Variants in HIP1 observed in about 807,000 individuals in gnomAD.
The protein encoded by HIP1 is huntingtin-interacting protein 1.
A neutral mutation model predicts 147.6 loss-of-function variants in HIP1; 65 were observed. That is an observed-to-expected ratio of 0.44 (90% CI 0.36 to 0.54). The LOEUF (loss-of-function observed/expected upper bound fraction) is 0.54, where lower values mean the gene tolerates loss of function less well. Among genes scored for constraint, HIP1 ranks in the 20% least tolerant of loss-of-function variants. The pLI, the probability that HIP1 is intolerant of heterozygous loss-of-function variation, is 0.00. For synonymous variants in HIP1, 479 were observed against 504.0 expected, an observed-to-expected ratio of 0.95 and a Z score of 0.67; for missense variants, 1,061 against 1,299.6, an observed-to-expected ratio of 0.82 and a Z score of 2.82.
At chr7:75,718,705 C>T (rs1801396577) in intron 1 of HIP1, among the ~76,000 whole-genome samples, 1 of 152,168 alleles carries the variant, frequency 6.6e-6, no homozygotes. Flanking sequence ...TCTGAGCTGG[C>T]TTTGTGCCAT....
At chr7:75,549,353 G>A (rs1380234045) in intron 22 of HIP1, among the ~76,000 whole-genome samples, 1 of 148,006 alleles carries the variant, frequency 6.8e-6, no homozygotes, top group African/African-American at 2.5e-5. Flanking sequence ...TTTTTCTTTT[G>A]CTTTCTTTCT....
intron 9 of HIP1, among the ~76,000 whole-genome samples, chr7:75,565,261 CA>C (rs3839765): frequency 0.09 from 13,643 of 152,180 alleles, 623 homozygotes; most frequent in South Asian, 0.13. Flanking sequence ...TGTGGAACAG[CA>C]AAGTGGCTAC....
chr7:75,545,684 G>A (rs978585457), intron 25 of HIP1, among the ~76,000 whole-genome samples: 2 of 151,884 alleles, frequency 1.3e-5, no homozygotes, highest in African/African-American at 4.8e-5. Flanking sequence ...GGTGGTTCAC[G>A]CCTGTAATCC....
At chr7:75,693,549 T>A (rs1800526677) in intron 1 of HIP1, among the ~76,000 whole-genome samples, 1 of 152,052 alleles carries the variant, frequency 6.6e-6, no homozygotes, top group Non-Finnish European at 1.5e-5. Context: ...CACCCTTTAC[T>A]AGTTGTTTAG....
intron 1 of HIP1, among the ~76,000 whole-genome samples, chr7:75,708,754 A>T (rs1256405668): frequency 2.0e-5 from 3 of 152,080 alleles, no homozygotes; most frequent in Non-Finnish European, 4.4e-5. Flanking sequence ...TTTAATTACT[A>T]TAGTTTTATA....
chr7:75,567,070 C>A (rs1035410138), intron 9 of HIP1, among the ~76,000 whole-genome samples: 1 of 151,032 alleles, frequency 6.6e-6, no homozygotes, highest in South Asian at 2.1e-4. Flanking sequence ...CAAGATCACA[C>A]CACCGCACTC....
At chr7:75,560,411 G>C (rs782425934) in intron 13 of HIP1, among the ~76,000 whole-genome samples, 11 of 152,064 alleles carry the variant, frequency 7.2e-5, no homozygotes, top group Non-Finnish European at 1.6e-4. Flanking sequence ...ACCATGCCCA[G>C]CTAATTTTTA....
chr7:75,675,154 C>T (rs1163089695), intron 1 of HIP1, among the ~76,000 whole-genome samples: 1 of 152,004 alleles, frequency 6.6e-6, no homozygotes, highest in Non-Finnish European at 1.5e-5. Flanking sequence ...CTCAATTGGC[C>T]TATCTTTAAA....
At chr7:75,599,584 T>C (rs1351617345) in intron 1 of HIP1, among the ~76,000 whole-genome samples, 1 of 152,098 alleles carries the variant, frequency 6.6e-6, no homozygotes, top group Non-Finnish European at 1.5e-5. Flanking sequence ...GGAAACATTA[T>C]TTCTCCCGGA....
chr7:75,563,888 TTCTC>T (rs1359530992), intron 9 of HIP1, among the ~76,000 whole-genome samples: 5 of 151,734 alleles, frequency 3.3e-5, no homozygotes, highest in African/African-American at 9.7e-5. Context: ...AATATTTTTT[TTCTC>T]TCTCTCTCTC....
At chr7:75,591,176 G>C (rs888778593) in intron 4 of HIP1, among the ~76,000 whole-genome samples, 40 of 152,052 alleles carry the variant, frequency 2.6e-4, no homozygotes, top group African/African-American at 8.9e-4. Flanking sequence ...GGGATTACAG[G>C]CACACGCCAC....
At chr7:75,655,637 A>G (rs1168684701) in intron 1 of HIP1, among the ~76,000 whole-genome samples, 1 of 152,118 alleles carries the variant, frequency 6.6e-6, no homozygotes, top group African/African-American at 2.4e-5. Context: ...GAAATAAGCC[A>G]GACACAAAGG....
intron 1 of HIP1, among the ~76,000 whole-genome samples, chr7:75,620,399 A>AG (rs1554506838): frequency 6.7e-6 from 1 of 150,336 alleles, no homozygotes; most frequent in Admixed American, 6.7e-5. Flanking sequence ...AAAAAAAAAA[A>AG]AAAAAGGCCA....
At chr7:75,644,447 A>G (rs1428786179) in intron 1 of HIP1, among the ~76,000 whole-genome samples, 1 of 151,998 alleles carries the variant, frequency 6.6e-6, no homozygotes, top group Non-Finnish European at 1.5e-5. Context: ...GGTATGCACC[A>G]CCACGCTCGG....
intron 1 of HIP1, among the ~76,000 whole-genome samples, chr7:75,695,757 T>G (rs1022686823): frequency 6.6e-6 from 1 of 152,188 alleles, no homozygotes; most frequent in Middle Eastern, 3.4e-3. Flanking sequence ...GTATTTTTAG[T>G]AGAGACGGGG....
intron 1 of HIP1, among the ~76,000 whole-genome samples, chr7:75,628,394 CT>C (rs1295244654): frequency 6.6e-6 from 1 of 152,030 alleles, no homozygotes; most frequent in African/African-American, 2.4e-5. Flanking sequence ...TAGAACTTTC[CT>C]TAAATCTCTC....
chr7:75,553,362 C>A, intron 22 of HIP1, 91 bp downstream of exon 22: 2 of 1,453,252 alleles, frequency 1.4e-6, no homozygotes, highest in South Asian at 1.2e-5. Flanking sequence ...GCAGAAAGAA[C>A]TAGCTCAGAA....
At chr7:75,614,655 G>A (rs587742424) in intron 1 of HIP1, among the ~76,000 whole-genome samples, 195 of 152,156 alleles carry the variant, frequency 1.3e-3, no homozygotes, top group Non-Finnish European at 2.2e-3. Context: ...TCGGTTGCAC[G>A]ACATAGCGAA....
intron 4 of HIP1, among the ~76,000 whole-genome samples, chr7:75,589,102 A>G (rs1367528320): frequency 3.3e-5 from 5 of 151,642 alleles, no homozygotes; most frequent in Admixed American, 2.0e-4. Context: ...GTGAGCAGAG[A>G]TCGTGCCATT....
Sources: gnomAD v4.1 joint callset for allele counts (sites outside exome capture counted in the v4.1 genomes callset) on GRCh38, gnomAD v4.1.1 for gene constraint, MANE v1.5 for transcripts, NCBI Gene and HGNC (gene_info 2026-07-23, HGNC 2026-07-21) for gene names.